CSMD1: variants seen among roughly 807,000 people sequenced by gnomAD.
CSMD1 encodes the protein CUB and Sushi multiple domains 1, also known as CUB and sushi domain-containing protein 1.
Under a neutral mutation model 417.5 loss-of-function variants are expected in CSMD1, and 213 were observed. The observed-to-expected ratio is 0.51, with a 90% CI of 0.46 to 0.57. CSMD1 has a LOEUF of 0.57. Ranked by LOEUF, CSMD1 falls within the 20% of genes least tolerant of loss-of-function variation. The pLI is 0.00. For synonymous variants in CSMD1, 2,862 were observed against 1,736.8 expected (o/e 1.65, Z -16.11); for missense variants, 6,923 against 4,529.7 (o/e 1.53, Z -15.17).
chr8:4,204,660 T>G (rs765565970), intron 3 of CSMD1, among the ~76,000 whole-genome samples: 24 of 152,256 alleles, frequency 1.6e-4, no homozygotes, highest in African/African-American at 4.1e-4. Flanking sequence ...AAAATTATTA[T>G]TAGTAGTATT....
At chr8:4,927,756 AT>A (rs1806968006) in intron 1 of CSMD1, among the ~76,000 whole-genome samples, 1 of 152,108 alleles carries the variant, frequency 6.6e-6, no homozygotes, top group Non-Finnish European at 1.5e-5. Flanking sequence ...TGGCAAATGC[AT>A]TTGTCCATTT....
intron 12 of CSMD1, among the ~76,000 whole-genome samples, chr8:3,452,385 G>A (rs564213281): frequency 6.6e-6 from 1 of 152,182 alleles, no homozygotes; most frequent in East Asian, 1.9e-4. Context: ...GGGCACTCCT[G>A]TCTTGTGCCA....
intron 3 of CSMD1, among the ~76,000 whole-genome samples, chr8:4,167,514 A>G (rs970012035): frequency 6.6e-6 from 1 of 152,184 alleles, no homozygotes; most frequent in Non-Finnish European, 1.5e-5. Context: ...TCTAAAATGT[A>G]TGTAGCTACC....
chr8:3,652,152 CCACCA>C (rs1307638006), intron 7 of CSMD1, among the ~76,000 whole-genome samples: 3 of 149,384 alleles, frequency 2.0e-5, no homozygotes, highest in Admixed American at 6.7e-5. Flanking sequence ...AGAGCGCTTA[CCACCA>C]TCAGAGCGCT....
At chr8:4,580,519 G>A (rs1010769159) in intron 2 of CSMD1, among the ~76,000 whole-genome samples, 45 of 152,158 alleles carry the variant, frequency 3.0e-4, no homozygotes, top group African/African-American at 1.1e-3. Context: ...TCTGGCTCGG[G>A]CCGTCGGGTT....
At chr8:4,328,082 A>T (rs1799658004) in intron 3 of CSMD1, among the ~76,000 whole-genome samples, 1 of 152,160 alleles carries the variant, frequency 6.6e-6, no homozygotes, top group African/African-American at 2.4e-5. Flanking sequence ...AATTTACATG[A>T]TATGTAACAG....
chr8:3,392,277 A>G (rs1811397260), intron 17 of CSMD1, among the ~76,000 whole-genome samples: 1 of 152,142 alleles, frequency 6.6e-6, no homozygotes, highest in South Asian at 2.1e-4. Flanking sequence ...ATAAATAAAA[A>G]TTGGATGACA....
intron 1 of CSMD1, among the ~76,000 whole-genome samples, chr8:4,728,461 T>C (rs1261957232): frequency 6.6e-6 from 1 of 152,050 alleles, no homozygotes; most frequent in Admixed American, 6.6e-5. Flanking sequence ...ATTGAACGTA[T>C]ATTGCACAGC....
chr8:4,380,449 C>G (rs1370057405), intron 3 of CSMD1, among the ~76,000 whole-genome samples: 1 of 152,174 alleles, frequency 6.6e-6, no homozygotes, highest in East Asian at 1.9e-4. Flanking sequence ...GAATGGTTTA[C>G]CAGTCGGCCT....
intron 5 of CSMD1, among the ~76,000 whole-genome samples, chr8:3,850,380 G>A (rs925693940): frequency 6.6e-6 from 1 of 152,174 alleles, no homozygotes; most frequent in African/African-American, 2.4e-5. Flanking sequence ...TGTAAGCACT[G>A]ACACTGAATT....
At chr8:4,412,291 C>T (rs1047304114) in intron 3 of CSMD1, among the ~76,000 whole-genome samples, 18 of 152,118 alleles carry the variant, frequency 1.2e-4, no homozygotes, top group African/African-American at 4.1e-4. Flanking sequence ...TACCACCATC[C>T]TCTCGGTTGC....
At chr8:3,347,039 C>T (rs558233554) in intron 22 of CSMD1, among the ~76,000 whole-genome samples, 263 of 152,140 alleles carry the variant, frequency 1.7e-3, no homozygotes, top group Middle Eastern at 3.4e-3. Flanking sequence ...TCTTGCGGCA[C>T]GCATAAAATG....
At chr8:4,372,708 G>C (rs928152208) in intron 3 of CSMD1, among the ~76,000 whole-genome samples, 1 of 148,640 alleles carries the variant, frequency 6.7e-6, no homozygotes, top group Non-Finnish European at 1.5e-5. Flanking sequence ...CTAACTGAAA[G>C]AGTTCTCACT....
At chr8:4,510,176 C>G (rs1802738934) in intron 2 of CSMD1, among the ~76,000 whole-genome samples, 1 of 151,952 alleles carries the variant, frequency 6.6e-6, no homozygotes, top group African/African-American at 2.4e-5. Flanking sequence ...CGTGACTTTG[C>G]TCCTCATTCA....
rs1479616748 is a variant in CSMD1 at position 3,423,017 on chromosome 8, A to C, written c.1562-13412T>G. Among the ~76,000 whole-genome samples the C allele has an allele frequency of 2.6e-5, 4 of 152,218 alleles. No individual in the cohort carries two copies. The East Asian group carries it at 7.7e-4, about 29-fold the overall frequency. On this transcript the variant is annotated intron_variant, in intron 12 of 69. Coordinates refer to ENST00000635120, the MANE Select transcript of CSMD1 (RefSeq NM_033225.6). Reference sequence around the variant, plus strand: ...TGGCAACACCTGAATTTTACAGGAGACACCTTCAAACACCAGCACCAGCTA... The same window carrying C: ...TGGCAACACCTGAATTTTACAGGAGCCACCTTCAAACACCAGCACCAGCTA...
intron 5 of CSMD1, among the ~76,000 whole-genome samples, chr8:3,975,941 TTATC>T (rs368840373): frequency 5.4e-4 from 82 of 152,316 alleles, no homozygotes; most frequent in South Asian, 4.1e-3. Context: ...GCAGTATGTT[TTATC>T]TATCAGTTTT....
At chr8:4,569,056 A>G (rs1242361989) in intron 2 of CSMD1, among the ~76,000 whole-genome samples, 1 of 152,066 alleles carries the variant, frequency 6.6e-6, no homozygotes, top group African/African-American at 2.4e-5. Context: ...ATTTTCTCCC[A>G]TTCTGTAGGT....
intron 1 of CSMD1, among the ~76,000 whole-genome samples, chr8:4,697,296 C>T (rs140432697): frequency 1.3e-5 from 2 of 152,208 alleles, no homozygotes; most frequent in East Asian, 1.9e-4. Context: ...ACAAGAGGAC[C>T]ACCTGGACTT....
chr8:3,570,263 T>C (rs557836568), intron 10 of CSMD1, among the ~76,000 whole-genome samples: 1 of 152,372 alleles, frequency 6.6e-6, no homozygotes, highest in Non-Finnish European at 1.5e-5. Flanking sequence ...AATTCCAACC[T>C]CTTTCCTTGG....
Sources: gnomAD v4.1 joint callset for allele counts (sites outside exome capture counted in the v4.1 genomes callset) on GRCh38, gnomAD v4.1.1 for gene constraint, MANE v1.5 for transcripts, NCBI Gene and HGNC (gene_info 2026-07-23, HGNC 2026-07-21) for gene names.